The following PRTFDC1 variants were observed in gnomAD, a reference collection of about 807,000 sequenced individuals.
PRTFDC1 encodes the protein phosphoribosyl transferase domain containing 1.
In PRTFDC1, 38 loss-of-function variants were observed where a neutral mutation model predicts 34.6. The observed-to-expected ratio is 1.10, with a 90% CI of 0.85 to 1.44. The LOEUF (loss-of-function observed/expected upper bound fraction) is 1.44. Ranked by LOEUF, PRTFDC1 falls within the 40% of genes most tolerant of loss-of-function variation. PRTFDC1 has a pLI of 0.00. For missense variants in PRTFDC1, 270 were observed against 283.0 expected, an observed-to-expected ratio of 0.95 and a Z score of 0.33; for synonymous variants, 93 against 98.1, an observed-to-expected ratio of 0.95 and a Z score of 0.31.
rs274314 is a variant in PRTFDC1 at position 24,952,221 on chromosome 10, A to G, written c.48+307T>C. Among the ~76,000 whole-genome samples the G allele has an allele frequency of 0.99, 150,089 of 152,308 alleles. 73,960 individuals carry two copies. The highest frequency in any genetic ancestry group is 1 in the East Asian group (5,132 of 5,132). On this transcript the variant is annotated intron_variant, in intron 1 of 8. Transcript: ENST00000320152. This position sits in a 1 kb window ranked among gnomAD's most constrained non-coding sequence, Gnocchi z 5.1. ...GGGCCCTGCCGGGCTCGCAGAAGCG[A>G]CTCCCCGTGGCTCGCGGGGATGGGG...
chr10:24,892,770 T>C (rs780978155), intron 3 of PRTFDC1, among the ~76,000 whole-genome samples: 7 of 152,096 alleles, frequency 4.6e-5, no homozygotes, highest in African/African-American at 7.2e-5. Context: ...ATGAAGTCAG[T>C]ATTCTTCAGT....
chr10:24,887,172 T>G (rs544643343), intron 3 of PRTFDC1, among the ~76,000 whole-genome samples: 57 of 150,958 alleles, frequency 3.8e-4, no homozygotes, highest in South Asian at 3.2e-3. Context: ...GGGTTTCACC[T>G]TGTTAGCCAG....
Position 24,849,642 on chromosome 10 carries a change from A to T in PRTFDC1, c.*202T>A. On this transcript the variant is annotated 3_prime_UTR_variant, in exon 9 of 9. Transcript: ENST00000320152. ...GTGTTTAATTTGGAACAAGTCAAAT[A>T]AAAGCACTGCTTTCTTTTCCTTAGG... The T allele has an allele frequency of 1.9e-6, 1 of 531,124 alleles. No individual in the cohort carries two copies. The highest frequency in any genetic ancestry group is 3.4e-6 in the Non-Finnish European group (1 of 298,250). The allele number at this position is 531,124 out of a possible 1,614,324, so 32.9% of individuals were successfully genotyped here.
intron 3 of PRTFDC1, among the ~76,000 whole-genome samples, chr10:24,884,110 G>C (rs988558559): frequency 6.6e-6 from 1 of 151,432 alleles, no homozygotes; most frequent in Non-Finnish European, 1.5e-5. Flanking sequence ...GGGATTTCAG[G>C]TGTGAGCCAC....
chr10:24,867,294 C>T (rs117533075), intron 4 of PRTFDC1, among the ~76,000 whole-genome samples: 248 of 152,268 alleles, frequency 1.6e-3, no homozygotes, highest in African/African-American at 5.7e-3. Context: ...TTTGATACCA[C>T]GATTCCTTCT....
chr10:24,928,897 G>A (rs925254091), intron 3 of PRTFDC1, among the ~76,000 whole-genome samples: 1 of 151,552 alleles, frequency 6.6e-6, no homozygotes, highest in African/African-American at 2.4e-5. Context: ...AAAATTAGCC[G>A]GGCGTGGTGG....
chr10:24,878,575 C>G (rs571441306), intron 3 of PRTFDC1, among the ~76,000 whole-genome samples: 2 of 152,258 alleles, frequency 1.3e-5, no homozygotes, highest in East Asian at 3.9e-4. Flanking sequence ...AAACCTCTGA[C>G]CTTTAGTCAT....
intron 3 of PRTFDC1, among the ~76,000 whole-genome samples, chr10:24,880,682 T>C (rs1407760036): frequency 7.2e-5 from 11 of 152,200 alleles, no homozygotes; most frequent in Non-Finnish European, 1.5e-4. Flanking sequence ...GGCTATCACC[T>C]TGGAAATGCA....
chr10:24,924,632 C>T (rs1848842351), intron 3 of PRTFDC1, among the ~76,000 whole-genome samples: 1 of 152,036 alleles, frequency 6.6e-6, no homozygotes, highest in Admixed American at 6.6e-5. Context: ...CAAGAAAAAA[C>T]AACCCCATCA....
intron 3 of PRTFDC1, among the ~76,000 whole-genome samples, chr10:24,928,033 C>T (rs1564315704): frequency 6.6e-6 from 1 of 152,142 alleles, no homozygotes; most frequent in Non-Finnish European, 1.5e-5. Context: ...GTTATAATAT[C>T]TCCCAAATCA....
intron 3 of PRTFDC1, among the ~76,000 whole-genome samples, chr10:24,880,252 T>G (rs1162412621): frequency 6.6e-6 from 1 of 151,850 alleles, no homozygotes; most frequent in African/African-American, 2.4e-5. Context: ...TTTTTCTTTT[T>G]TTTCTTTTTT....
In PRTFDC1 at chr10:24,929,067, AGAAAG is replaced by A. The variant is rs1564316133; in HGVS notation, c.339+8112_339+8116del. ...AAAAAAAAAAAAAAGAAAGAAAGAA[AGAAAG>A]AAAGGGAGGCTTTCAATTCCAGGCA... On this transcript the variant is annotated intron_variant, in intron 3 of 8. Transcript: ENST00000320152. Among the ~76,000 whole-genome samples the A allele has an allele frequency of 4.4e-4, 63 of 143,782 alleles. 7 individuals are homozygous for A. Among genetic ancestry groups the A allele is most frequent in the African/African-American group, 1.4e-3 (52 of 37,062 alleles). The allele number at this position is 143,782 out of a possible 152,430, so 94.3% of individuals were successfully genotyped here. A position where few individuals can be genotyped will look rare whatever the true frequency, so the allele number is the denominator to read the frequency against.
rs571583549 is a variant in PRTFDC1, at chr10:24,916,154, C to T, written c.339+21030G>A. 3.0e-4 allele frequency among the ~76,000 whole-genome samples: 46 copies of T among 152,260 alleles called. No individual in the cohort carries two copies. The South Asian group carries it at 3.7e-3, about 12-fold the overall frequency. ...TCCACTAATGTAAAATTCATCAGCA[C>T]GTATGGGTGATGGCTTTGTCTTTAC... On this transcript the variant is annotated intron_variant, in intron 3 of 8. Transcript: ENST00000320152.
At chr10:24,927,550 A>G (rs1848896661) in intron 3 of PRTFDC1, among the ~76,000 whole-genome samples, 2 of 152,010 alleles carry the variant, frequency 1.3e-5, no homozygotes, top group Non-Finnish European at 2.9e-5. Flanking sequence ...ACTGTTTGCA[A>G]AAGAGTATTG....
chr10:24,951,187 A>T (rs1359236797), intron 1 of PRTFDC1, among the ~76,000 whole-genome samples: 1 of 152,102 alleles, frequency 6.6e-6, no homozygotes, highest in Non-Finnish European at 1.5e-5. Context: ...GTCACCGCAG[A>T]GAGGCTGCCC....
intron 3 of PRTFDC1, among the ~76,000 whole-genome samples, chr10:24,903,474 T>G (rs1848480614): frequency 6.6e-6 from 1 of 152,204 alleles, no homozygotes; most frequent in Admixed American, 6.5e-5. Flanking sequence ...TTCAAAGTTT[T>G]TAAAAGGTGC....
At chr10:24,934,373 C>T (rs1031856611) in intron 3 of PRTFDC1, among the ~76,000 whole-genome samples, 1 of 152,186 alleles carries the variant, frequency 6.6e-6, no homozygotes, top group Non-Finnish European at 1.5e-5. Context: ...CAGCCAAGGG[C>T]ATTCCAAAGT....
chr10:24,935,354 T>C (rs1359633746), intron 3 of PRTFDC1, among the ~76,000 whole-genome samples: 1 of 152,050 alleles, frequency 6.6e-6, no homozygotes, highest in Non-Finnish European at 1.5e-5. Context: ...GAAGATAATC[T>C]AAAGAGAGAA....
At chr10:24,895,907 A>T (rs1458893846) in intron 3 of PRTFDC1, among the ~76,000 whole-genome samples, 1 of 152,006 alleles carries the variant, frequency 6.6e-6, no homozygotes, top group East Asian at 1.9e-4. Flanking sequence ...CCTGGAAGTT[A>T]TGTCAACGCA....
Sources: allele counts gnomAD v4.1 joint callset (sites outside exome capture counted in the v4.1 genomes callset), GRCh38; gene constraint gnomAD v4.1.1; non-coding constraint Gnocchi (gnomAD v3.1); transcripts MANE v1.5; gene names NCBI Gene and HGNC (gene_info 2026-07-23, HGNC 2026-07-21).